The following ATP2A2 variants were observed in gnomAD, a reference collection of about 807,000 sequenced individuals.
The protein encoded by ATP2A2 is sarcoplasmic/endoplasmic reticulum calcium ATPase 2.
A neutral mutation model predicts 109.3 loss-of-function variants in ATP2A2; 14 were observed. The ratio of observed to expected loss-of-function variants is 0.13; its 90% CI spans 0.08 to 0.20. The LOEUF (loss-of-function observed/expected upper bound fraction) is 0.20, where lower values mean the gene tolerates loss of function less well. ATP2A2 is among the 10% of genes least tolerant of loss of function. ATP2A2 has a pLI of 1.00. For missense variants in ATP2A2, 657 were observed against 1,321.6 expected (o/e 0.50, Z 7.80); for synonymous variants, 506 against 490.9 (o/e 1.03, Z -0.41).
chr12:110,349,279 G>A lies in ATP2A2; in HGVS notation c.*2809G>A, dbSNP rs1880177589. 1 of 985,410 alleles carries A rather than the reference G, an allele frequency of 1.0e-6. No individual in the cohort carries two copies. Among genetic ancestry groups the A allele is most frequent in the Non-Finnish European group, 1.2e-6 (1 of 829,994 alleles). 61.0% of individuals were successfully genotyped at this position (985,410 alleles called of 1,614,324 possible). ...CCTGGCCTCAGGCCCTCACCTAACA[G>A]TGAGGCAGCAGCTGCCCAGCCCCGC... is the stretch of plus-strand genomic sequence containing the variant. On this transcript the variant is annotated 3_prime_UTR_variant, in exon 20 of 20. Coordinates refer to ENST00000539276, the MANE Select transcript of ATP2A2 (RefSeq NM_170665.4).
Position 110,343,212 on chromosome 12 carries a change from C to T in ATP2A2, c.2319-20C>T. On this transcript the variant is annotated intron_variant, in intron 15 of 19. Transcript: ENST00000539276. ...AAGTCATTTGGGCTCTCTTTGTCTT[C>T]TTTTCTTGATTGGAAACAGTATTTT... 6.2e-7 allele frequency: 1 copy of T among 1,612,884 alleles called. No homozygotes were observed.
chr12:110,330,586 G>A (rs942213441), intron 8 of ATP2A2: 3 of 151,330 alleles, frequency 2.0e-5, no homozygotes, highest in Non-Finnish European at 3.0e-5. Flanking sequence ...CATGTGTAAA[G>A]CCATGTGTAA....
Position 110,340,790 on chromosome 12 carries a change from T to C in ATP2A2, c.1893T>C (p.Ala631=). 1 of 1,614,214 alleles carries C rather than the reference T, an allele frequency of 6.2e-7. No homozygotes were observed. The highest frequency in any genetic ancestry group is 8.5e-7 in the Non-Finnish European group (1 of 1,180,040). ...IMITGDNKGT[A]VAICRRIGIF... ...TCACTGGGGACAACAAGGGCACTGC[T>C]GTGGCCATCTGTCGCCGCATCGGCA... is the stretch of plus-strand genomic sequence containing the variant. The change falls in exon 14 of 20, where the codon GCT becomes GCC. Residue 631 remains alanine, a synonymous_variant. Transcript: ENST00000539276. This position sits in a 1 kb window ranked among gnomAD's most constrained non-coding sequence, Gnocchi z 6.0.
chr12:110,308,856 G>T (rs967101756), intron 5 of ATP2A2, among the ~76,000 whole-genome samples: 1 of 152,184 alleles, frequency 6.6e-6, no homozygotes, highest in Non-Finnish European at 1.5e-5. Context: ...TATGAAATTG[G>T]ATGTGAAGGG....
chr12:110,345,232 AT>A lies in ATP2A2; in HGVS notation c.2608-15del. On this transcript the variant is annotated splice_polypyrimidine_tract_variant and intron_variant, in intron 17 of 19. Coordinates refer to ENST00000539276, the MANE Select transcript of ATP2A2 (RefSeq NM_170665.4). ...AATATACTGGGCTGATAGGAATTTG[AT>A]TGGATTTTCTTGCAGAGTCATTTCC... 6.2e-7 allele frequency: 1 copy of A among 1,614,016 alleles called. No individual in the cohort carries two copies. The highest frequency in any genetic ancestry group is 8.5e-7 in the Non-Finnish European group (1 of 1,180,004).
chr12:110,281,992 T>G, intron 1 of ATP2A2, 85 bp downstream of exon 1: 1 of 1,126,326 alleles, frequency 8.9e-7, no homozygotes, highest in Non-Finnish European at 1.2e-6. Context: ...CCTCGTGGGC[T>G]TCGGCTCCGC....
rs1415592530 is a variant in ATP2A2, at chr12:110,349,095, C to T, written c.*2625C>T. On this transcript the variant is annotated 3_prime_UTR_variant, in exon 20 of 20. Transcript: ENST00000539276. ...GGAGCCCATGGAGGGACCCACTTCC[C>T]TTGGTCCAGACAGCTGGGAGTGGGT... The T allele has an allele frequency of 3.6e-5, 35 of 985,404 alleles. No individual in the cohort carries two copies. Among genetic ancestry groups the T allele is most frequent in the Non-Finnish European group, 4.0e-5 (33 of 829,990 alleles). 61.0% of individuals were successfully genotyped at this position (985,404 alleles called of 1,614,324 possible).
rs1275618610 is a variant in ATP2A2 at position 110,347,766 on chromosome 12, A to G, written c.*1296A>G. ...GTCCTAACTGTGGTGTTTTCCTCCA[A>G]TGCCTTCCAACATCCATCAACTAAC... On this transcript the variant is annotated 3_prime_UTR_variant, in exon 20 of 20. Coordinates refer to ENST00000539276, the MANE Select transcript of ATP2A2 (RefSeq NM_170665.4). The G allele has an allele frequency of 1.4e-5, 15 of 1,065,354 alleles. No homozygotes were observed. The highest frequency in any genetic ancestry group is 3.4e-5 in the African/African-American group (2 of 59,554). 66.0% of individuals were successfully genotyped at this position (1,065,354 alleles called of 1,614,324 possible). A position where few individuals can be genotyped will look rare whatever the true frequency, so the allele number is the denominator to read the frequency against.
At chr12:110,341,062 C>G (rs1397798279) in intron 14 of ATP2A2, 68 bp downstream of exon 14, 1 of 1,555,726 alleles carries the variant, frequency 6.4e-7, no homozygotes, top group African/African-American at 1.4e-5. Flanking sequence ...TAATTTTGAC[C>G]ACTGAATTTT....
At chr12:110,345,674 C>A in intron 18 of ATP2A2, 1 of 573,558 alleles carries the variant, frequency 1.7e-6, no homozygotes. Context: ...GAACCTCACC[C>A]TTTCACACAG....
chr12:110,293,377 T>G (rs184287715), intron 4 of ATP2A2, among the ~76,000 whole-genome samples: 23,688 of 118,742 alleles, frequency 0.2, 2,493 homozygotes, highest in Admixed American at 0.31. Context: ...CTTTTTTTTT[T>G]TTTTTTTTTT....
chr12:110,303,513 C>T (rs188471441), intron 5 of ATP2A2, among the ~76,000 whole-genome samples: 6 of 152,188 alleles, frequency 3.9e-5, no homozygotes, highest in Non-Finnish European at 5.9e-5. Context: ...CTGGTTCAAG[C>T]GATTCTCCTG....
In ATP2A2 at chr12:110,296,581, CTGTTTTCTTT is replaced by C. The variant is rs369441955; in HGVS notation, c.325-16_325-7del. On this transcript the variant is annotated splice_polypyrimidine_tract_variant and splice_region_variant and intron_variant, in intron 4 of 19. Coordinates refer to ENST00000539276, the MANE Select transcript of ATP2A2 (RefSeq NM_170665.4). ...TGTCAGGCAGGTCTTTACTACTCTT[CTGTTTTCTTT>C]TATACAGGAAAGAAATGCTGAAAAT... 1.2e-6 allele frequency: 2 copies of C among 1,614,022 alleles called. No homozygotes were observed. Among genetic ancestry groups the C allele is most frequent in the Non-Finnish European group, 1.7e-6 (2 of 1,179,972 alleles).
intron 6 of ATP2A2, among the ~76,000 whole-genome samples, chr12:110,324,610 CG>C (rs1209275855): frequency 1.3e-5 from 2 of 151,878 alleles, no homozygotes; most frequent in Non-Finnish European, 2.9e-5. Flanking sequence ...TTAGTAGAGA[CG>C]GGGTTTCACT....
At position 110,348,894 on chromosome 12, in the gene ATP2A2, A is replaced by C; in HGVS notation, c.*2424A>C. ...GCAAGGAGTGCATCTCTGGGCTGCA[A>C]ACTGACTTGAGTGCTGCACTATTGC... On this transcript the variant is annotated 3_prime_UTR_variant, in exon 20 of 20. Coordinates refer to ENST00000539276, the MANE Select transcript of ATP2A2 (RefSeq NM_170665.4). The C allele has an allele frequency of 4.1e-6, 4 of 985,448 alleles. No homozygotes were observed. Among genetic ancestry groups the C allele is most frequent in the Non-Finnish European group, 4.8e-6 (4 of 829,942 alleles). The allele number at this position is 985,448 out of a possible 1,614,324, so 61.0% of individuals were successfully genotyped here. A position where few individuals can be genotyped will look rare whatever the true frequency, so the allele number is the denominator to read the frequency against.
chr12:110,349,749 A>C lies in ATP2A2; in HGVS notation c.*3279A>C. 2.0e-6 allele frequency: 2 copies of C among 1,015,102 alleles called. No individual in the cohort carries two copies. The highest frequency in any genetic ancestry group is 2.4e-6 in the Non-Finnish European group (2 of 846,584). 62.9% of individuals were successfully genotyped at this position (1,015,102 alleles called of 1,614,324 possible). A position where few individuals can be genotyped will look rare whatever the true frequency, so the allele number is the denominator to read the frequency against. ...GAGCAGAGCCAGCAGTTGCCCTGTG[A>C]CTGTAACCACCAAATTGTCCAAACA... On this transcript the variant is annotated 3_prime_UTR_variant, in exon 20 of 20. Coordinates refer to ENST00000539276, the MANE Select transcript of ATP2A2 (RefSeq NM_170665.4).
At chr12:110,345,042 G>A (rs1879712794) in intron 17 of ATP2A2, 71 bp downstream of exon 17, 3 of 1,540,924 alleles carry the variant, frequency 1.9e-6, no homozygotes, top group South Asian at 1.1e-5. Context: ...CTGTGGTTTC[G>A]GTATCTATCA....
chr12:110,345,537 G>C (rs1879764852), intron 18 of ATP2A2, 155 bp downstream of exon 18: 10 of 1,165,296 alleles, frequency 8.6e-6, no homozygotes, highest in Non-Finnish European at 1.2e-5. Context: ...AGCATGAGCT[G>C]TCGTCACCTC....
rs1424241392 is a variant in ATP2A2, at chr12:110,326,213, T to TA, written c.545-175dup. 9 of 644,732 alleles carry TA rather than the reference T, an allele frequency of 1.4e-5. No individual in the cohort carries two copies. In the African/African-American group the frequency reaches 1.6e-4, roughly 12 times the overall value. 39.9% of individuals were successfully genotyped at this position (644,732 alleles called of 1,614,324 possible). On this transcript the variant is annotated intron_variant, in intron 6 of 19. Coordinates refer to ENST00000539276, the MANE Select transcript of ATP2A2 (RefSeq NM_170665.4). ...ATCCTGACACCCTTTGTTCTGGTAT[T>TA]AATTTCCATTACTAAGTTTTCCCAG...
Sources: gnomAD v4.1 joint callset for allele counts (sites outside exome capture counted in the v4.1 genomes callset) on GRCh38, gnomAD v4.1.1 for gene constraint, Gnocchi (gnomAD v3.1) non-coding constraint, MANE v1.5 for transcripts, NCBI Gene and HGNC (gene_info 2026-07-23, HGNC 2026-07-21) for gene names.